NOL7: variants seen among roughly 807,000 people sequenced by gnomAD.
NOL7 encodes the protein nucleolar protein 7, also known as U3 small nucleolar RNA-associated protein NOL7.
Under a neutral mutation model 38.4 loss-of-function variants are expected in NOL7, and 36 were observed. The ratio of observed to expected loss-of-function variants is 0.94; its 90% CI spans 0.72 to 1.24. The LOEUF (loss-of-function observed/expected upper bound fraction) is 1.24. Ranked by LOEUF, NOL7 falls within the 50% of genes most tolerant of loss-of-function variation. The pLI is 0.00. For synonymous variants in NOL7, 142 were observed against 126.5 expected (o/e 1.12, Z -0.82); for missense variants, 350 against 315.1 (o/e 1.11, Z -0.84).
Position 13,617,809 on chromosome 6 carries a change from T to C in NOL7, c.418+8T>C. 6.2e-7 allele frequency: 1 copy of C among 1,612,150 alleles called. No homozygotes were observed. Among genetic ancestry groups the C allele is most frequent in the Non-Finnish European group, 8.5e-7 (1 of 1,178,128 alleles). The stretch of plus-strand genomic sequence containing the variant: ...CAGGAAAGGTGAAAGAAGGTATGAC[T>C]ATTCTAATTTAACTAACTTCTCATG... On this transcript the variant is annotated splice_region_variant and intron_variant, in intron 4 of 7. Coordinates refer to ENST00000451315, the MANE Select transcript of NOL7 (RefSeq NM_016167.5).
Position 13,615,699 on chromosome 6 carries a change from CCCTT to C in NOL7, c.267-9_267-6del, listed in dbSNP as rs1584897276. ...TGTCCTTCCCTTTGCTGACTTATCA[CCCTT>C]CCTCCCAGGGATAAAACGCTCCTGA... On this transcript the variant is annotated splice_polypyrimidine_tract_variant and intron_variant, in intron 1 of 7. Coordinates refer to ENST00000451315, the MANE Select transcript of NOL7 (RefSeq NM_016167.5). 8.1e-6 allele frequency: 13 copies of C among 1,614,234 alleles called. No individual in the cohort carries two copies. In the East Asian group the frequency reaches 2.9e-4, roughly 36 times the overall value.
intron 5 of NOL7, among the ~76,000 whole-genome samples, chr6:13,619,192 G>C (rs3823453): frequency 0.49 from 74,537 of 152,098 alleles, 19,286 homozygotes; most frequent in Admixed American, 0.58. Flanking sequence ...CAATGGAAAG[G>C]TTGTTCACCA....
downstream of NOL7, among the ~76,000 whole-genome samples, chr6:13,624,760 CT>C (rs1289795498): frequency 6.6e-6 from 1 of 152,182 alleles, no homozygotes; most frequent in African/African-American, 2.4e-5. Flanking sequence ...TAAGCCTCGC[CT>C]TTTAAATTGC....
chr6:13,622,917 C>G (rs556508216), downstream of NOL7, among the ~76,000 whole-genome samples: 1 of 152,150 alleles, frequency 6.6e-6, no homozygotes. Context: ...GTTCTTCCAC[C>G]TCTGTGGATA....
chr6:13,617,662 T>A, intron 3 of NOL7, 108 bp from the exon 4 acceptor site: 1 of 977,506 alleles, frequency 1.0e-6, no homozygotes, highest in Non-Finnish European at 1.6e-6. Flanking sequence ...TTGAGGGTGT[T>A]GGTAATGAAA....
At chr6:13,618,890 CAAAA>C (rs908090240) in intron 5 of NOL7, among the ~76,000 whole-genome samples, 1 of 148,550 alleles carries the variant, frequency 6.7e-6, no homozygotes, top group African/African-American at 2.5e-5. Flanking sequence ...GACCCTGTCT[CAAAA>C]AAAAAATCGG....
intron 8 of NOL7, among the ~76,000 whole-genome samples, chr6:13,630,909 A>G (rs1042459137): frequency 6.6e-6 from 1 of 152,058 alleles, no homozygotes; most frequent in Non-Finnish European, 1.5e-5. Context: ...TCCTGGGTTC[A>G]AGTGATTCTC....
At chr6:13,624,321 C>G (rs568588223), downstream of NOL7, among the ~76,000 whole-genome samples, 4 of 152,288 alleles carry the variant, frequency 2.6e-5, no homozygotes, top group South Asian at 2.1e-4. Flanking sequence ...GCCCTCATTG[C>G]AAGTCTCCCT....
At position 13,620,831 on chromosome 6, in the gene NOL7, A is replaced by T; in HGVS notation, c.*4A>T. 1 of 1,546,380 alleles carries T rather than the reference A, an allele frequency of 6.5e-7. No individual in the cohort carries two copies. The highest frequency in any genetic ancestry group is 8.9e-7 in the Non-Finnish European group (1 of 1,128,284). On this transcript the variant is annotated 3_prime_UTR_variant, in exon 8 of 8. Coordinates refer to ENST00000451315, the MANE Select transcript of NOL7 (RefSeq NM_016167.5). Reference sequence around the variant, plus strand: ...AAAGATGAAAACTAAGAAGTAAATCAATGCTAAATGAAGAATCTGTACTTT... The same window carrying T: ...AAAGATGAAAACTAAGAAGTAAATCTATGCTAAATGAAGAATCTGTACTTT...
rs1383320320 is a variant in NOL7 at position 13,615,724 on chromosome 6, C to G, written c.279C>G (p.Leu93=). The G allele has an allele frequency of 5.6e-6, 9 of 1,614,214 alleles. No individual in the cohort carries two copies. Among genetic ancestry groups the G allele is most frequent in the Non-Finnish European group, 7.6e-6 (9 of 1,180,032 alleles). Residue 93 remains leucine, a synonymous_variant, in exon 2 of 8, where the codon CTC becomes CTG. Transcript: ENST00000451315. ...VRETVRRDKT[L]LKEKRKRREE... Reference sequence around the variant, plus strand: ...CCCTTCCTCCCAGGGATAAAACGCTCCTGAAGGAGAAGAGGAAGCGACGCG... The same window carrying G: ...CCCTTCCTCCCAGGGATAAAACGCTGCTGAAGGAGAAGAGGAAGCGACGCG...
rs1361003048 is a variant in NOL7 at position 13,615,443 on chromosome 6, G to A, written c.85G>A (p.Glu29Lys). The change falls in exon 1 of 8, where the codon GAG becomes AAG. Residue 29 changes from glutamate to lysine, a missense_variant. Transcript: ENST00000451315. Reference protein sequence around the residue: ...VDEGQLASEEEEAEHGLLLGQ... With the variant: ...VDEGQLASEEKEAEHGLLLGQ... ...CGAGGGCCAGCTGGCCTCGGAGGAG[G>A]AGGAGGCGGAGCACGGGCTGTTGCT... The A allele has an allele frequency of 1.3e-6, 2 of 1,549,506 alleles. No homozygotes were observed. Among genetic ancestry groups the A allele is most frequent in the Non-Finnish European group, 1.7e-6 (2 of 1,146,740 alleles).
At chr6:13,626,365 A>G (rs1208723604), downstream of NOL7, among the ~76,000 whole-genome samples, 2 of 152,108 alleles carry the variant, frequency 1.3e-5, no homozygotes, top group African/African-American at 4.8e-5. Context: ...TCTTCTTTCT[A>G]TGGGAGGCAC....
chr6:13,626,074 A>G (rs1764595089), downstream of NOL7, among the ~76,000 whole-genome samples: 1 of 152,162 alleles, frequency 6.6e-6, no homozygotes, highest in Non-Finnish European at 1.5e-5. Flanking sequence ...GTGGAAGGCA[A>G]AACATTCAGA....
chr6:13,615,459 G>T lies in NOL7; in HGVS notation c.101G>T (p.Gly34Val). Residue 34 changes from glycine (G) to valine (V), a missense_variant, in exon 1 of 8, where the codon GGG (glycine) becomes GTG (valine). Gly to Val is a moderately radical substitution (Grantham distance 109). Coordinates refer to ENST00000451315, the MANE Select transcript of NOL7 (RefSeq NM_016167.5). ...LASEEEEAEH[G>V]LLLGQPSSGA... ...TCGGAGGAGGAGGAGGCGGAGCACG[G>T]GCTGTTGCTCGGGCAGCCCAGCAGC... is the stretch of plus-strand genomic sequence containing the variant. 1.3e-6 allele frequency: 2 copies of T among 1,550,706 alleles called. No homozygotes were observed. The highest frequency in any genetic ancestry group is 4.9e-5 in the East Asian group (2 of 40,986).
chr6:13,629,915 CTCTCTCGT>C (rs756048172), intron 8 of NOL7, among the ~76,000 whole-genome samples: 240 of 126,340 alleles, frequency 1.9e-3, no homozygotes, highest in African/African-American at 6.4e-3. Context: ...CTCTCTCTCT[CTCTCTCGT>C]GTGTGTGTGT....
At chr6:13,616,687 T>G (rs887277323) in intron 3 of NOL7, among the ~76,000 whole-genome samples, 166 bp downstream of exon 3, 1 of 152,246 alleles carries the variant, frequency 6.6e-6, no homozygotes, top group Non-Finnish European at 1.5e-5. Flanking sequence ...ACGTTCTACT[T>G]CTTATTTTAC....
At chr6:13,629,921 CGTGTGT>C (rs3063992) in intron 8 of NOL7, among the ~76,000 whole-genome samples, 29 of 128,342 alleles carry the variant, frequency 2.3e-4, no homozygotes, top group Non-Finnish European at 3.8e-4. Flanking sequence ...CTCTCTCTCT[CGTGTGT>C]GTGTGTGTGT....
rs1365907160 is a variant in NOL7 at position 13,621,025 on chromosome 6, T to C, written c.*198T>C. 2 of 381,386 alleles carry C rather than the reference T, an allele frequency of 5.2e-6. No individual in the cohort carries two copies. Among genetic ancestry groups the C allele is most frequent in the Non-Finnish European group, 9.7e-6 (2 of 207,146 alleles). 23.6% of individuals were successfully genotyped at this position (381,386 alleles called of 1,614,324 possible). A position where few individuals can be genotyped will look rare whatever the true frequency, so the allele number is the denominator to read the frequency against. ...TGGTTTAAGAAGGAATTGTTTTCTT[T>C]TTAATATATTTAACTGAATTCAAGC... On this transcript the variant is annotated 3_prime_UTR_variant, in exon 8 of 8. Transcript: ENST00000451315.
chr6:13,626,452 A>G (rs1397349124), downstream of NOL7, among the ~76,000 whole-genome samples: 1 of 152,232 alleles, frequency 6.6e-6, no homozygotes, highest in Non-Finnish European at 1.5e-5. Flanking sequence ...TTGGCAATTG[A>G]CAATCTAAGT....
Sources: gnomAD v4.1 joint callset for allele counts (sites outside exome capture counted in the v4.1 genomes callset) on GRCh38, gnomAD v4.1.1 for gene constraint, MANE v1.5 for transcripts, NCBI Gene and HGNC (gene_info 2026-07-23, HGNC 2026-07-21) for gene names.